Variants in NSL1 observed in about 807,000 individuals in gnomAD.
NSL1 encodes the protein kinetochore-associated protein NSL1 homolog.
NSL1 carries 11 observed loss-of-function variants against 25.4 expected under a neutral mutation model. The ratio of observed to expected loss-of-function variants is 0.43; its 90% CI spans 0.27 to 0.72. The LOEUF (loss-of-function observed/expected upper bound fraction) is 0.72. Ranked by LOEUF, NSL1 falls within the 30% of genes least tolerant of loss-of-function variation. NSL1 has a pLI of 0.19. For missense variants in NSL1, 330 were observed against 342.7 expected (o/e 0.96, Z 0.29); for synonymous variants, 118 against 120.6 (o/e 0.98, Z 0.14).
Position 212,736,037 on chromosome 1 carries a change from T to G in NSL1, c.*2371A>C, listed in dbSNP as rs1243422372. The G allele has an allele frequency of 3.0e-6, 3 of 985,156 alleles. No individual in the cohort carries two copies. In the East Asian group the frequency reaches 3.4e-4, roughly 112 times the overall value. The allele number at this position is 985,156 out of a possible 1,614,324, so 61.0% of individuals were successfully genotyped here. A position where few individuals can be genotyped will look rare whatever the true frequency, so the allele number is the denominator to read the frequency against. ...TGGGACTAGACTTAACCTTCTTGTG[T>G]TCTTCTTATTATTATTTTGAAACAG... On this transcript the variant is annotated 3_prime_UTR_variant, in exon 6 of 6. Coordinates refer to ENST00000366977, the MANE Select transcript of NSL1 (RefSeq NM_015471.4).
chr1:212,782,108 A>G (rs1273042990), intron 4 of NSL1: 1 of 683,188 alleles, frequency 1.5e-6, no homozygotes. Flanking sequence ...GAAGTTAGAG[A>G]TGGGTATGTG....
chr1:212,770,080 C>G (rs1301738685), intron 4 of NSL1, among the ~76,000 whole-genome samples: 1 of 151,924 alleles, frequency 6.6e-6, no homozygotes. Flanking sequence ...AAGTCAAGAA[C>G]AGTAAAAAAG....
Position 212,730,209 on chromosome 1 carries a change from C to T in NSL1, c.*8199G>A, listed in dbSNP as rs1657956390. ...AGGTTGCAGTGAGTTGAGATCGCTC[C>T]ACTACACTCCAGCCTGGGTGACAGT... On this transcript the variant is annotated 3_prime_UTR_variant, in exon 6 of 6. Transcript: ENST00000366977. 6.3e-6 allele frequency: 6 copies of T among 949,956 alleles called. No individual in the cohort carries two copies. Among genetic ancestry groups the T allele is most frequent in the African/African-American group, 2.0e-5 (1 of 49,468 alleles). The allele number at this position is 949,956 out of a possible 1,614,324, so 58.8% of individuals were successfully genotyped here.
Position 212,730,843 on chromosome 1 carries a change from CCTT to C in NSL1, c.*7562_*7564del, listed in dbSNP as rs746466626. On this transcript the variant is annotated 3_prime_UTR_variant, in exon 6 of 6. Transcript: ENST00000366977. ...TTTACCTCTCCCCTCCCCACACTCA[CCTT>C]CTAAGTTCAATTAATAATGAATATA... The C allele has an allele frequency of 8.3e-5, 82 of 985,272 alleles. No homozygotes were observed. The highest frequency in any genetic ancestry group is 9.6e-5 in the Non-Finnish European group (80 of 829,922). 61.0% of individuals were successfully genotyped at this position (985,272 alleles called of 1,614,324 possible).
intron 4 of NSL1, among the ~76,000 whole-genome samples, chr1:212,767,843 G>C (rs551431603): frequency 2.0e-5 from 3 of 152,144 alleles, no homozygotes; most frequent in Non-Finnish European, 4.4e-5. Flanking sequence ...CTAATCATCA[G>C]AGAAATGCAA....
At chr1:212,747,804 C>T (rs918818898) in intron 4 of NSL1, among the ~76,000 whole-genome samples, 1 of 152,122 alleles carries the variant, frequency 6.6e-6, no homozygotes, top group Non-Finnish European at 1.5e-5. Context: ...CTCACTCTGT[C>T]ACCCAGGCTG....
chr1:212,754,438 G>A (rs1396629028), intron 4 of NSL1, among the ~76,000 whole-genome samples: 1 of 151,940 alleles, frequency 6.6e-6, no homozygotes, highest in Non-Finnish European at 1.5e-5. Flanking sequence ...TGAAACCGAG[G>A]GCTGAGACAG....
chr1:212,785,079 G>A (rs1660888387), intron 2 of NSL1, among the ~76,000 whole-genome samples: 1 of 152,078 alleles, frequency 6.6e-6, no homozygotes, highest in African/African-American at 2.4e-5. Flanking sequence ...ATAAGAACCA[G>A]GCTGTAAAGG....
chr1:212,758,720 A>G (rs1041780711), intron 4 of NSL1, among the ~76,000 whole-genome samples: 7 of 152,196 alleles, frequency 4.6e-5, no homozygotes, highest in Non-Finnish European at 4.4e-5. Flanking sequence ...GTGATCTACA[A>G]TTTCAACACA....
In NSL1 at chr1:212,727,018, C is replaced by T; in HGVS notation, c.*11390G>A. On this transcript the variant is annotated 3_prime_UTR_variant, in exon 6 of 6. Coordinates refer to ENST00000366977, the MANE Select transcript of NSL1 (RefSeq NM_015471.4). Reference sequence around the variant, plus strand: ...CTCAGAGGCCCTCCAGTCCAGTCTACTCCGGCCTTGGAGATGACTGCCGAG... The same window carrying T: ...CTCAGAGGCCCTCCAGTCCAGTCTATTCCGGCCTTGGAGATGACTGCCGAG... 3 of 1,288,104 alleles carry T rather than the reference C, an allele frequency of 2.3e-6. No homozygotes were observed. Among genetic ancestry groups the T allele is most frequent in the Non-Finnish European group, 2.1e-6 (2 of 937,142 alleles). The allele number at this position is 1,288,104 out of a possible 1,614,324, so 79.8% of individuals were successfully genotyped here. A position where few individuals can be genotyped will look rare whatever the true frequency, so the allele number is the denominator to read the frequency against.
In NSL1 at chr1:212,728,933, A is replaced by G. The variant is rs985707325; in HGVS notation, c.*9475T>C. The G allele has an allele frequency of 1.0e-6, 1 of 985,390 alleles. No homozygotes were observed. Among genetic ancestry groups the G allele is most frequent in the African/African-American group, 1.7e-5 (1 of 57,346 alleles). 61.0% of individuals were successfully genotyped at this position (985,390 alleles called of 1,614,324 possible). A position where few individuals can be genotyped will look rare whatever the true frequency, so the allele number is the denominator to read the frequency against. ...AGAGCAGTGTTTATTTGTGTGTTTG[A>G]ACGTTTGTTCCCTTTGAATATGAAA... On this transcript the variant is annotated 3_prime_UTR_variant, in exon 6 of 6. Coordinates refer to ENST00000366977, the MANE Select transcript of NSL1 (RefSeq NM_015471.4).
At chr1:212,785,669 A>C (rs1660911372) in intron 2 of NSL1, among the ~76,000 whole-genome samples, 1 of 152,160 alleles carries the variant, frequency 6.6e-6, no homozygotes, top group Non-Finnish European at 1.5e-5. Flanking sequence ...AGATGAAAGG[A>C]ATGTAGGTGA....
Position 212,728,570 on chromosome 1 carries a change from T to C in NSL1, c.*9838A>G. 6.1e-6 allele frequency: 6 copies of C among 985,454 alleles called. No homozygotes were observed. The highest frequency in any genetic ancestry group is 4.7e-5 in the South Asian group (1 of 21,294). The allele number at this position is 985,454 out of a possible 1,614,324, so 61.0% of individuals were successfully genotyped here. A position where few individuals can be genotyped will look rare whatever the true frequency, so the allele number is the denominator to read the frequency against. ...TTTTCAAATCAGATTTACAGAGGGA[T>C]AGAAATGAGAAAAGGAGTTTTATGT... is the stretch of plus-strand genomic sequence containing the variant. On this transcript the variant is annotated 3_prime_UTR_variant, in exon 6 of 6. Coordinates refer to ENST00000366977, the MANE Select transcript of NSL1 (RefSeq NM_015471.4).
Position 212,739,550 on chromosome 1 carries a change from A to T in NSL1, c.551T>A (p.Ile184Asn), listed in dbSNP as rs747159160. 1.0e-4 allele frequency: 168 copies of T among 1,613,352 alleles called. No homozygotes were observed. Among genetic ancestry groups the T allele is most frequent in the Middle Eastern group, 1.6e-4 (1 of 6,074 alleles). ...KCRGETVAKE[I>N]SEAMKSLPAL... ...AGCTTTTACCTTCATGGCTTCACTG[A>T]TCTCCTTTGCTACTGTTTCCCCTCT... The change falls in exon 5 of 6, where the codon ATC (isoleucine) becomes AAC (asparagine). Residue 184 changes from isoleucine (I) to asparagine (N), a missense_variant. Physicochemically the swap from Ile to Asn is moderately radical, Grantham distance 149 (BLOSUM62 -3). Coordinates refer to ENST00000366977, the MANE Select transcript of NSL1 (RefSeq NM_015471.4).
chr1:212,769,064 A>T (rs960572770), intron 4 of NSL1, among the ~76,000 whole-genome samples: 1 of 149,542 alleles, frequency 6.7e-6, no homozygotes, highest in African/African-American at 2.5e-5. Flanking sequence ...CAATGACAAT[A>T]AAATGGAGGA....
intron 2 of NSL1, among the ~76,000 whole-genome samples, chr1:212,786,171 T>C (rs1392300579): frequency 6.6e-6 from 1 of 151,898 alleles, no homozygotes; most frequent in Non-Finnish European, 1.5e-5. Flanking sequence ...TTCAATAGCT[T>C]TTGGGGTACA....
rs1658322964 is a variant in NSL1 at position 212,738,299 on chromosome 1, T to C, written c.*109A>G. ...TATATCTGTATAAATGAATCACTAG[T>C]AAAAGAGTTATTTCTTATTTCAAAT... On this transcript the variant is annotated 3_prime_UTR_variant, in exon 6 of 6. Transcript: ENST00000366977. 2.0e-6 allele frequency: 3 copies of C among 1,491,674 alleles called. No homozygotes were observed. Among genetic ancestry groups the C allele is most frequent in the Non-Finnish European group, 2.7e-6 (3 of 1,125,112 alleles). The allele number at this position is 1,491,674 out of a possible 1,614,324, so 92.4% of individuals were successfully genotyped here.
rs1657914813 is a variant in NSL1, at chr1:212,729,357, T to C, written c.*9051A>G. On this transcript the variant is annotated 3_prime_UTR_variant, in exon 6 of 6. Coordinates refer to ENST00000366977, the MANE Select transcript of NSL1 (RefSeq NM_015471.4). ...TTGCTTGTGGGCAGGGTCTGTGCCT[T>C]GGTTTACAGGTGTACATCCACACAG... 1 of 981,624 alleles carries C rather than the reference T, an allele frequency of 1.0e-6. No homozygotes were observed. Among genetic ancestry groups the C allele is most frequent in the Non-Finnish European group, 1.2e-6 (1 of 826,568 alleles). The allele number at this position is 981,624 out of a possible 1,614,324, so 60.8% of individuals were successfully genotyped here.
intron 4 of NSL1, among the ~76,000 whole-genome samples, chr1:212,763,385 A>C (rs548487727): frequency 1.3e-5 from 2 of 152,334 alleles, no homozygotes; most frequent in East Asian, 3.9e-4. Context: ...TGAAAAAAAA[A>C]CAAAGTATCT....
Sources: allele counts gnomAD v4.1 joint callset (sites outside exome capture counted in the v4.1 genomes callset), GRCh38; gene constraint gnomAD v4.1.1; transcripts MANE v1.5; gene names NCBI Gene and HGNC (gene_info 2026-07-23, HGNC 2026-07-21).